PLCXD3: variants seen among roughly 807,000 people sequenced by gnomAD.
The protein encoded by PLCXD3 is PI-PLC X domain-containing protein 3.
A neutral mutation model predicts 25.5 loss-of-function variants in PLCXD3; 19 were observed. The observed-to-expected ratio is 0.75, with a 90% CI of 0.52 to 1.09. PLCXD3 has a LOEUF of 1.09. PLCXD3 is among the 50% of genes least tolerant of loss of function. The pLI, the probability that PLCXD3 is intolerant of heterozygous loss-of-function variation, is 0.00. For synonymous variants in PLCXD3, 174 were observed against 137.6 expected (o/e 1.26, Z -1.85); for missense variants, 411 against 388.1 (o/e 1.06, Z -0.50).
intron 1 of PLCXD3, among the ~76,000 whole-genome samples, chr5:41,502,258 G>T (rs772609538): frequency 6.0e-4 from 91 of 152,200 alleles, no homozygotes; most frequent in Non-Finnish European, 1.2e-3. Context: ...TGGGTTCAAT[G>T]GTGGGAAACT....
At chr5:41,489,467 A>G (rs1748602001) in intron 1 of PLCXD3, among the ~76,000 whole-genome samples, 1 of 152,148 alleles carries the variant, frequency 6.6e-6, no homozygotes, top group Non-Finnish European at 1.5e-5. Flanking sequence ...TTCTGTGATG[A>G]AAGGCATTGG....
chr5:41,326,829 T>C (rs1390857553), intron 2 of PLCXD3, among the ~76,000 whole-genome samples: 1 of 151,566 alleles, frequency 6.6e-6, no homozygotes, highest in East Asian at 2.0e-4. Flanking sequence ...ATTGTATTCA[T>C]TAATACATCC....
intron 1 of PLCXD3, among the ~76,000 whole-genome samples, chr5:41,501,176 C>T (rs1308246071): frequency 6.6e-6 from 1 of 151,980 alleles, no homozygotes; most frequent in Non-Finnish European, 1.5e-5. Flanking sequence ...GATAGAACTA[C>T]CACATGATCC....
chr5:41,380,548 G>A (rs2150492182), intron 2 of PLCXD3, among the ~76,000 whole-genome samples: 1 of 152,130 alleles, frequency 6.6e-6, no homozygotes, highest in South Asian at 2.1e-4. Context: ...CTGTAGCCTG[G>A]TTAAAAGATT....
chr5:41,318,054 G>GA (rs911228661), intron 2 of PLCXD3, among the ~76,000 whole-genome samples: 6 of 151,772 alleles, frequency 4.0e-5, no homozygotes, highest in South Asian at 2.1e-4. Flanking sequence ...GGTGCAGAAG[G>GA]AAAAAAAACT....
chr5:41,409,427 C>T (rs966382405), intron 1 of PLCXD3, among the ~76,000 whole-genome samples: 1 of 152,202 alleles, frequency 6.6e-6, no homozygotes, highest in African/African-American at 2.4e-5. Context: ...CTCTGCCCCT[C>T]ATTGTGTGCA....
At chr5:41,400,453 A>G (rs1052967503) in intron 1 of PLCXD3, among the ~76,000 whole-genome samples, 2 of 152,132 alleles carry the variant, frequency 1.3e-5, no homozygotes, top group African/African-American at 4.8e-5. Context: ...CCATCAACAG[A>G]TGAATGGATA....
chr5:41,354,275 G>A (rs1285435198), intron 2 of PLCXD3, among the ~76,000 whole-genome samples: 1 of 152,124 alleles, frequency 6.6e-6, no homozygotes, highest in African/African-American at 2.4e-5. Context: ...GCAGACTTAT[G>A]ATCAGCAGGA....
At chr5:41,507,854 C>G (rs188808817) in intron 1 of PLCXD3, among the ~76,000 whole-genome samples, 1 of 152,182 alleles carries the variant, frequency 6.6e-6, no homozygotes, top group African/African-American at 2.4e-5. Flanking sequence ...AAGCTATTAG[C>G]ATGATTTTAA....
intron 2 of PLCXD3, among the ~76,000 whole-genome samples, chr5:41,370,522 A>G (rs962839702): frequency 6.6e-6 from 1 of 152,190 alleles, no homozygotes; most frequent in African/African-American, 2.4e-5. Flanking sequence ...TATTTCTATT[A>G]AATTTGGTTA....
intron 2 of PLCXD3, 60 bp downstream of exon 2, chr5:41,381,766 G>A: frequency 4.8e-6 from 7 of 1,462,538 alleles, no homozygotes; most frequent in Non-Finnish European, 5.6e-6. Context: ...TCACTTATGA[G>A]CTCTATAAAT....
At chr5:41,493,102 G>A (rs1168276059) in intron 1 of PLCXD3, among the ~76,000 whole-genome samples, 1 of 152,114 alleles carries the variant, frequency 6.6e-6, no homozygotes, top group African/African-American at 2.4e-5. Context: ...TGTACAGATG[G>A]GTTTTTGGTG....
chr5:41,467,535 G>A (rs759975523), intron 1 of PLCXD3, among the ~76,000 whole-genome samples: 1 of 152,102 alleles, frequency 6.6e-6, no homozygotes, highest in Non-Finnish European at 1.5e-5. Context: ...TTCCTCTGCT[G>A]TGCAGAAGCT....
intron 1 of PLCXD3, among the ~76,000 whole-genome samples, chr5:41,448,182 GCTCTTGACT>G (rs1747549126): frequency 1.3e-5 from 2 of 152,286 alleles, no homozygotes; most frequent in Admixed American, 1.3e-4. Flanking sequence ...CTGACAAGAT[GCTCTTGACT>G]GGGACCTGAA....
At chr5:41,455,266 A>T (rs778538657) in intron 1 of PLCXD3, among the ~76,000 whole-genome samples, 6 of 151,906 alleles carry the variant, frequency 3.9e-5, no homozygotes, top group Non-Finnish European at 7.4e-5. Context: ...CATGTAGCTC[A>T]TGGTAATTTG....
At chr5:41,461,499 A>G (rs942276770) in intron 1 of PLCXD3, among the ~76,000 whole-genome samples, 2 of 151,932 alleles carry the variant, frequency 1.3e-5, no homozygotes, top group Admixed American at 1.3e-4. Flanking sequence ...GTGCTACAAA[A>G]CCATGGTGGT....
At chr5:41,365,652 C>T (rs1249240126) in intron 2 of PLCXD3, among the ~76,000 whole-genome samples, 1 of 152,210 alleles carries the variant, frequency 6.6e-6, no homozygotes, top group East Asian at 1.9e-4. Context: ...AGTGCTGGGA[C>T]ACTGGGAAAC....
chr5:41,381,735 A>G (rs966230611), intron 2 of PLCXD3, 91 bp downstream of exon 2: 40 of 1,202,178 alleles, frequency 3.3e-5, no homozygotes, highest in Non-Finnish European at 4.3e-5. Flanking sequence ...CCTAATATAC[A>G]TAGGTATAAT....
intron 1 of PLCXD3, among the ~76,000 whole-genome samples, chr5:41,483,231 C>T (rs1429379691): frequency 6.6e-6 from 1 of 152,108 alleles, no homozygotes; most frequent in African/African-American, 2.4e-5. Context: ...GCAAAGGAAG[C>T]ACAAAGTTTA....
Sources: allele counts gnomAD v4.1 joint callset (sites outside exome capture counted in the v4.1 genomes callset), GRCh38; gene constraint gnomAD v4.1.1; transcripts MANE v1.5; gene names NCBI Gene and HGNC (gene_info 2026-07-23, HGNC 2026-07-21).